ABI2: variants seen among roughly 807,000 people sequenced by gnomAD.
ABI2 encodes the protein abelson interactor 2.
A neutral mutation model predicts 59.2 loss-of-function variants in ABI2; 25 were observed. That is an observed-to-expected ratio of 0.42 (90% CI 0.31 to 0.59). The LOEUF (loss-of-function observed/expected upper bound fraction) is 0.59, where lower values mean the gene tolerates loss of function less well. Ranked by LOEUF, ABI2 falls within the 20% of genes least tolerant of loss-of-function variation. The pLI is 0.14. For missense variants in ABI2, 545 were observed against 681.8 expected, an observed-to-expected ratio of 0.80 and a Z score of 2.23; for synonymous variants, 213 against 235.5, an observed-to-expected ratio of 0.90 and a Z score of 0.87.
chr2:203,412,030 G>A (rs972650655), intron 10 of ABI2, among the ~76,000 whole-genome samples: 2 of 152,134 alleles, frequency 1.3e-5, no homozygotes, highest in Non-Finnish European at 2.9e-5. Flanking sequence ...CAGTCTTTGC[G>A]AGGGCCACAT....
At chr2:203,335,660 T>A (rs2076122560) in intron 1 of ABI2, among the ~76,000 whole-genome samples, 1 of 152,252 alleles carries the variant, frequency 6.6e-6, no homozygotes, top group Non-Finnish European at 1.5e-5. Context: ...CTGTAAAGTT[T>A]TGCAGTACTT....
At chr2:203,380,460 T>G in intron 3 of ABI2, 76 bp downstream of exon 3, 2 of 984,202 alleles carry the variant, frequency 2.0e-6, no homozygotes, top group Non-Finnish European at 2.8e-6. Flanking sequence ...TTAAGCTTTT[T>G]ATCTGTCTTT....
At position 203,427,556 on chromosome 2, in the gene ABI2, T is replaced by G; in HGVS notation, c.*204T>G. 2.0e-6 allele frequency: 1 copy of G among 503,616 alleles called. No individual in the cohort carries two copies. The highest frequency in any genetic ancestry group is 3.5e-6 in the Non-Finnish European group (1 of 284,348). The allele number at this position is 503,616 out of a possible 1,614,324, so 31.2% of individuals were successfully genotyped here. A position where few individuals can be genotyped will look rare whatever the true frequency, so the allele number is the denominator to read the frequency against. On this transcript the variant is annotated 3_prime_UTR_variant, in exon 12 of 12. Coordinates refer to ENST00000261018, the MANE Select transcript of ABI2 (RefSeq NM_001375670.1). ...GATCTTTCTGCCATCATTTGTACAA[T>G]GCTGAGCTGTCTGGATTGAAATAAA...
chr2:203,421,948 G>C (rs189495582), intron 11 of ABI2, among the ~76,000 whole-genome samples: 62 of 133,864 alleles, frequency 4.6e-4, no homozygotes, highest in African/African-American at 1.6e-3. Context: ...CCTGGCAACA[G>C]AGTGAGACTC....
At chr2:203,336,537 G>T (rs192874998) in intron 1 of ABI2, among the ~76,000 whole-genome samples, 18 of 152,298 alleles carry the variant, frequency 1.2e-4, no homozygotes, top group African/African-American at 4.3e-4. Context: ...TCACCTCCTA[G>T]TTCCCATGAG....
intron 4 of ABI2, among the ~76,000 whole-genome samples, chr2:203,390,326 G>A (rs1027284760): frequency 2.2e-4 from 33 of 152,224 alleles, no homozygotes; most frequent in African/African-American, 7.7e-4. Flanking sequence ...CTTATGATAT[G>A]CTTACTATCT....
intron 1 of ABI2, among the ~76,000 whole-genome samples, chr2:203,345,689 C>T (rs1452884704): frequency 6.6e-6 from 1 of 150,758 alleles, no homozygotes; most frequent in African/African-American, 2.4e-5. Context: ...GATTACAGGC[C>T]TGAGCCACCA....
At chr2:203,378,240 G>C (rs997229919) in intron 2 of ABI2, among the ~76,000 whole-genome samples, 1 of 151,828 alleles carries the variant, frequency 6.6e-6, no homozygotes, top group African/African-American at 2.4e-5. Context: ...AGCCCCCCAA[G>C]TAGCTGGGAC....
chr2:203,328,420 GCCGCTCCTCCTCTC>G lies in ABI2; in HGVS notation c.-91_-78del. On this transcript the variant is annotated 5_prime_UTR_variant, in exon 1 of 12. Transcript: ENST00000261018. ...CTTCCGAGTTACCGCCGCCGTCGCC[GCCGCTCCTCCTCTC>G]CCGGTCCTGGGTTTCCTTGGCGCTG... The G allele has an allele frequency of 2.9e-6, 3 of 1,041,316 alleles. No individual in the cohort carries two copies. Among genetic ancestry groups the G allele is most frequent in the Non-Finnish European group, 4.3e-6 (3 of 704,906 alleles). The allele number at this position is 1,041,316 out of a possible 1,614,324, so 64.5% of individuals were successfully genotyped here. A position where few individuals can be genotyped will look rare whatever the true frequency, so the allele number is the denominator to read the frequency against.
At chr2:203,400,248 C>T (rs1016771101) in intron 8 of ABI2, among the ~76,000 whole-genome samples, 8 of 151,726 alleles carry the variant, frequency 5.3e-5, no homozygotes, top group Non-Finnish European at 1.0e-4. Context: ...CCACCACACC[C>T]AGCTAATTTT....
intron 5 of ABI2, 102 bp from the exon 6 acceptor site, chr2:203,394,598 C>G: frequency 8.5e-7 from 1 of 1,180,406 alleles, no homozygotes; most frequent in Non-Finnish European, 1.2e-6. Flanking sequence ...AACACATTTC[C>G]TATCTCTGAT....
chr2:203,360,710 A>G (rs984578566), intron 1 of ABI2, among the ~76,000 whole-genome samples: 12 of 152,202 alleles, frequency 7.9e-5, no homozygotes, highest in Non-Finnish European at 1.8e-4. Context: ...ACAACAGATG[A>G]TGAGTGAGAA....
rs895897668 is a variant in ABI2 at position 203,333,948 on chromosome 2, T to C, written c.117+5317T>C. Reference sequence around the variant, plus strand: ...TTTTCTTTTCTTTTTTCTTTCTTTTTTTTTTTTTTTGAGATGGAGTCTCAC... The same window carrying C: ...TTTTCTTTTCTTTTTTCTTTCTTTTCTTTTTTTTTTGAGATGGAGTCTCAC... On this transcript the variant is annotated intron_variant, in intron 1 of 11. Transcript: ENST00000261018. Among the ~76,000 whole-genome samples, 284 of 150,858 alleles carry C rather than the reference T, an allele frequency of 1.9e-3. 1 individual carries two copies. Among genetic ancestry groups the C allele is most frequent in the Non-Finnish European group, 1.1e-3 (77 of 67,618 alleles).
chr2:203,345,525 C>T (rs1232787127), intron 1 of ABI2, among the ~76,000 whole-genome samples: 3 of 152,150 alleles, frequency 2.0e-5, no homozygotes, highest in Non-Finnish European at 4.4e-5. Flanking sequence ...ATTCTCCTGC[C>T]TCAGCCTCCT....
chr2:203,355,607 A>T (rs144493776), intron 1 of ABI2, among the ~76,000 whole-genome samples: 165 of 152,098 alleles, frequency 1.1e-3, no homozygotes, highest in African/African-American at 3.7e-3. Context: ...AGGTGGGCGG[A>T]TCACCTGAGG....
At chr2:203,417,436 G>C (rs1397597058) in intron 11 of ABI2, among the ~76,000 whole-genome samples, 3 of 152,150 alleles carry the variant, frequency 2.0e-5, no homozygotes. Flanking sequence ...CTTATAATCA[G>C]ATACTTCAGT....
intron 2 of ABI2, among the ~76,000 whole-genome samples, chr2:203,367,723 A>AC (rs1045882911): frequency 1.3e-5 from 2 of 151,972 alleles, no homozygotes; most frequent in African/African-American, 4.8e-5. Flanking sequence ...TTTAAATGTA[A>AC]CTGTGGGCTG....
rs201209202 is a variant in ABI2, at chr2:203,331,348, CTTT to C, written c.117+2735_117+2737del. 7.3e-3 allele frequency among the ~76,000 whole-genome samples: 626 copies of C among 85,294 alleles called. 5 individuals are homozygous for C. The highest frequency in any genetic ancestry group is 0.026 in the African/African-American group (592 of 22,750). 56.0% of individuals were successfully genotyped at this position (85,294 alleles called of 152,430 possible). On this transcript the variant is annotated intron_variant, in intron 1 of 11. Coordinates refer to ENST00000261018, the MANE Select transcript of ABI2 (RefSeq NM_001375670.1). ...TCAGTGATCAAATGGTCAATTTAGC[CTTT>C]TTTTTTTTTTTTTTTTTCTGAGACA...
At chr2:203,382,317 C>G (rs79506776) in intron 4 of ABI2, 111 bp downstream of exon 4, 1 of 933,776 alleles carries the variant, frequency 1.1e-6, no homozygotes, top group South Asian at 1.7e-5. Context: ...ATAAATAATT[C>G]CTCCTTTTTG....
Sources: allele counts gnomAD v4.1 joint callset (sites outside exome capture counted in the v4.1 genomes callset), GRCh38; gene constraint gnomAD v4.1.1; transcripts MANE v1.5; gene names NCBI Gene and HGNC (gene_info 2026-07-23, HGNC 2026-07-21).